CLNK: variants seen among roughly 807,000 people sequenced by gnomAD.
The protein encoded by CLNK is cytokine-dependent hematopoietic cell linker.
In CLNK, 74 loss-of-function variants were observed where a neutral mutation model predicts 68.6. The ratio of observed to expected loss-of-function variants is 1.08; its 90% CI spans 0.89 to 1.31. CLNK has a LOEUF of 1.31. CLNK is among the 50% of genes most tolerant of loss of function. CLNK has a pLI of 0.00. For missense variants in CLNK, 553 were observed against 515.3 expected (o/e 1.07, Z -0.71); for synonymous variants, 198 against 172.2 (o/e 1.15, Z -1.17).
chr4:10,701,610 G>T, the CLNK span, among the ~76,000 whole-genome samples: 4 of 152,158 alleles, frequency 2.6e-5, no homozygotes, highest in African/African-American at 4.8e-5. Context: ...TAATATGCAG[G>T]AACTGATCCT....
intron 16 of CLNK, among the ~76,000 whole-genome samples, chr4:10,509,967 T>C (rs978664693): frequency 6.6e-6 from 1 of 152,164 alleles, no homozygotes; most frequent in African/African-American, 2.4e-5. Context: ...TGGAGCCCCA[T>C]CTCCTGACTG....
intron 1 of CLNK, among the ~76,000 whole-genome samples, chr4:10,676,056 TG>T: frequency 6.6e-6 from 1 of 150,404 alleles, no homozygotes; most frequent in South Asian, 2.1e-4. Flanking sequence ...AGTGTGTGTG[TG>T]TGTGTGTGTG....
At chr4:10,615,219 C>A (rs566704814) in intron 2 of CLNK, among the ~76,000 whole-genome samples, 1 of 152,124 alleles carries the variant, frequency 6.6e-6, no homozygotes, top group African/African-American at 2.4e-5. Context: ...GTGGCTTATG[C>A]CTGTAATCCC....
chr4:10,508,375 T>C (rs1717405600), intron 16 of CLNK, among the ~76,000 whole-genome samples: 1 of 152,146 alleles, frequency 6.6e-6, no homozygotes, highest in Non-Finnish European at 1.5e-5. Flanking sequence ...TGGAAATGTA[T>C]ACTGTTTGTG....
chr4:10,545,189 A>G (rs1577119787), intron 8 of CLNK, among the ~76,000 whole-genome samples: 1 of 152,122 alleles, frequency 6.6e-6, no homozygotes, highest in Non-Finnish European at 1.5e-5. Flanking sequence ...TCATTCCACT[A>G]CCAACTCAAA....
intron 7 of CLNK, among the ~76,000 whole-genome samples, chr4:10,560,919 C>T (rs1343806471): frequency 6.6e-6 from 1 of 151,700 alleles, no homozygotes; most frequent in East Asian, 1.9e-4. Flanking sequence ...TTTTCTGAGA[C>T]AAGGTCTTGT....
At chr4:10,629,558 G>A (rs576150692) in intron 2 of CLNK, among the ~76,000 whole-genome samples, 1 of 152,276 alleles carries the variant, frequency 6.6e-6, no homozygotes, top group Non-Finnish European at 1.5e-5. Flanking sequence ...CATCTGCGAG[G>A]GGACGCCCAC....
the CLNK span, among the ~76,000 whole-genome samples, chr4:10,726,782 A>T: frequency 6.6e-5 from 10 of 152,234 alleles, no homozygotes; most frequent in African/African-American, 2.4e-4. Flanking sequence ...ATGATAAACC[A>T]CATGGTTTAG....
chr4:10,536,204 A>G (rs1314476366), intron 11 of CLNK, among the ~76,000 whole-genome samples: 2 of 152,164 alleles, frequency 1.3e-5, no homozygotes, highest in African/African-American at 4.8e-5. Context: ...CCAGATGTAA[A>G]TCATGGCTTC....
upstream of CLNK, among the ~76,000 whole-genome samples, chr4:10,689,744 C>CTTTTTTTTTTTTTTTTTTTTTT (rs1560280654): frequency 1.1e-4 from 3 of 26,920 alleles, no homozygotes; most frequent in Admixed American, 4.7e-4. Context: ...AAAACCCATG[C>CTTTTTTTTTTTTTTTTTTTTTT]ATTTTTTTTT....
At chr4:10,500,544 G>T (rs1214769968) in intron 18 of CLNK, among the ~76,000 whole-genome samples, 1 of 152,068 alleles carries the variant, frequency 6.6e-6, no homozygotes, top group Non-Finnish European at 1.5e-5. Flanking sequence ...GCCGGGTTTG[G>T]TGGGGCATGC....
At chr4:10,658,224 A>G (rs1216376441) in intron 2 of CLNK, among the ~76,000 whole-genome samples, 2 of 152,114 alleles carry the variant, frequency 1.3e-5, no homozygotes, top group Non-Finnish European at 2.9e-5. Flanking sequence ...ACCCACTATC[A>G]CTTGCTGATT....
At chr4:10,511,092 G>A (rs1489113303) in intron 16 of CLNK, among the ~76,000 whole-genome samples, 3 of 152,058 alleles carry the variant, frequency 2.0e-5, no homozygotes, top group Non-Finnish European at 2.9e-5. Flanking sequence ...GGTGGGGCGG[G>A]GGTTGCAGTG....
the CLNK span, among the ~76,000 whole-genome samples, chr4:10,694,362 C>A: frequency 6.6e-6 from 1 of 151,886 alleles, no homozygotes; most frequent in African/African-American, 2.4e-5. Flanking sequence ...GGGCTTAGAC[C>A]CAGGAACTGT....
intron 11 of CLNK, among the ~76,000 whole-genome samples, chr4:10,535,267 A>AAAGAAAG: frequency 1.2e-5 from 1 of 82,678 alleles, no homozygotes; most frequent in Non-Finnish European, 2.9e-5. Context: ...AAGAAAGAAA[A>AAAGAAAG]AATGGAAAGC....
chr4:10,709,640 T>A, the CLNK span, among the ~76,000 whole-genome samples: 1 of 152,322 alleles, frequency 6.6e-6, no homozygotes, highest in East Asian at 1.9e-4. Flanking sequence ...CTCCTTTGAA[T>A]CTAGATGCCT....
intron 2 of CLNK, among the ~76,000 whole-genome samples, chr4:10,600,043 T>C (rs144350230): frequency 2.7e-4 from 41 of 152,314 alleles, no homozygotes; most frequent in Middle Eastern, 3.4e-3. Context: ...GATAGCTAAG[T>C]TTCCTGCCCC....
At chr4:10,523,869 A>G (rs1026863614) in intron 14 of CLNK, 45 of 313,042 alleles carry the variant, frequency 1.4e-4, no homozygotes, top group Non-Finnish European at 1.9e-4. Context: ...TACAAAGAGT[A>G]CAAAAATTAG....
chr4:10,620,574 G>C (rs190853063), intron 2 of CLNK, among the ~76,000 whole-genome samples: 5 of 152,194 alleles, frequency 3.3e-5, no homozygotes, highest in Admixed American at 2.6e-4. Context: ...TCATGCCTAG[G>C]CTGCAGGGCT....
Sources: gnomAD v4.1 joint callset for allele counts (sites outside exome capture counted in the v4.1 genomes callset) on GRCh38, gnomAD v4.1.1 for gene constraint, MANE v1.5 for transcripts, NCBI Gene and HGNC (gene_info 2026-07-23, HGNC 2026-07-21) for gene names.